The following TTC28 variants were observed in gnomAD, a reference collection of about 807,000 sequenced individuals.
TTC28 encodes the protein tetratricopeptide repeat domain 28, also known as tetratricopeptide repeat protein 28.
Under a neutral mutation model 198.0 loss-of-function variants are expected in TTC28, and 61 were observed. The ratio of observed to expected loss-of-function variants is 0.31; its 90% confidence interval spans 0.25 to 0.38. The LOEUF (loss-of-function observed/expected upper bound fraction) is 0.38. TTC28 is among the 10% of genes least tolerant of loss of function. The pLI is 1.00. For missense variants in TTC28, 2,678 were observed against 3,164.0 expected (o/e 0.85, Z 3.69); for synonymous variants, 1,171 against 1,297.8 (o/e 0.90, Z 2.10).
intron 13 of TTC28, among the ~76,000 whole-genome samples, chr22:28,029,267 C>T (rs1601533852): frequency 6.6e-6 from 1 of 152,204 alleles, no homozygotes; most frequent in East Asian, 1.9e-4. Flanking sequence ...CTCAACTCAG[C>T]CCTGGGAAAG....
At chr22:28,468,730 G>A (rs557220845) in intron 2 of TTC28, among the ~76,000 whole-genome samples, 26 of 148,250 alleles carry the variant, frequency 1.8e-4, no homozygotes, top group Non-Finnish European at 3.6e-4. Flanking sequence ...GTAGAGACGG[G>A]GTTTCATCCT....
intron 6 of TTC28, among the ~76,000 whole-genome samples, chr22:28,162,031 G>A (rs563200061): frequency 3.5e-4 from 53 of 152,070 alleles, no homozygotes; most frequent in Middle Eastern, 3.2e-3. Flanking sequence ...ATCCCTATAG[G>A]CAAAGAACAA....
At chr22:28,355,468 T>G (rs921586541) in intron 2 of TTC28, among the ~76,000 whole-genome samples, 1 of 152,242 alleles carries the variant, frequency 6.6e-6, no homozygotes, top group African/African-American at 2.4e-5. Context: ...ACTAATAATG[T>G]GTCAAACATC....
chr22:28,032,271 T>TATATAAAATATATATATATATATA (rs1569095159), intron 12 of TTC28, among the ~76,000 whole-genome samples: 1 of 94,410 alleles, frequency 1.1e-5, no homozygotes, highest in African/African-American at 4.3e-5. Flanking sequence ...ATATATAGTG[T>TATATAAAATATATATATATATATA]GTGTGTGTGT....
intron 1 of TTC28, among the ~76,000 whole-genome samples, chr22:28,635,717 T>G (rs1439018119): frequency 6.6e-6 from 1 of 152,172 alleles, no homozygotes; most frequent in Non-Finnish European, 1.5e-5. Flanking sequence ...ATATATAATG[T>G]GATGTTTTGA....
At chr22:28,052,160 C>A (rs994771012) in intron 12 of TTC28, among the ~76,000 whole-genome samples, 3 of 152,136 alleles carry the variant, frequency 2.0e-5, no homozygotes, top group African/African-American at 4.8e-5. Context: ...TTTGTTAAGT[C>A]TTTAACAAGT....
At chr22:27,990,903 C>T in intron 19 of TTC28, 91 bp from the exon 20 acceptor site, 2 of 1,361,266 alleles carry the variant, frequency 1.5e-6, no homozygotes, top group Non-Finnish European at 2.0e-6. Flanking sequence ...ATGAGCTGAT[C>T]ACTGTTTAGG....
chr22:28,669,423 A>T (rs931862193), intron 1 of TTC28, among the ~76,000 whole-genome samples: 1 of 152,074 alleles, frequency 6.6e-6, no homozygotes, highest in Non-Finnish European at 1.5e-5. Context: ...ATATTCCCAG[A>T]AGTGTGACCA....
At chr22:28,637,473 C>T (rs1241472641) in intron 1 of TTC28, among the ~76,000 whole-genome samples, 5 of 152,088 alleles carry the variant, frequency 3.3e-5, no homozygotes. Context: ...ACTGCTATAA[C>T]TATGTTTTAT....
intron 2 of TTC28, among the ~76,000 whole-genome samples, chr22:28,381,294 G>A (rs774770799): frequency 6.6e-6 from 1 of 152,118 alleles, no homozygotes; most frequent in Non-Finnish European, 1.5e-5. Context: ...CAGTCCAATA[G>A]AAATTATAGT....
intron 2 of TTC28, among the ~76,000 whole-genome samples, chr22:28,573,589 T>C (rs114852036): frequency 0.016 from 2,434 of 152,194 alleles, 87 homozygotes; most frequent in African/African-American, 0.056. Flanking sequence ...GTATATATAT[T>C]TACAGATACA....
intron 2 of TTC28, among the ~76,000 whole-genome samples, chr22:28,467,922 C>T (rs1270094134): frequency 1.3e-5 from 2 of 151,924 alleles, no homozygotes; most frequent in African/African-American, 2.4e-5. Flanking sequence ...CCACTGCGCC[C>T]GGCTAATTTT....
chr22:28,582,038 T>A (rs1352658099), intron 2 of TTC28, among the ~76,000 whole-genome samples: 1 of 152,182 alleles, frequency 6.6e-6, no homozygotes, highest in African/African-American at 2.4e-5. Flanking sequence ...TATAATAATT[T>A]TATGACCTAT....
chr22:28,674,801 G>A (rs1356988041), intron 1 of TTC28, among the ~76,000 whole-genome samples: 2 of 141,968 alleles, frequency 1.4e-5, no homozygotes, highest in Admixed American at 7.3e-5. Context: ...CCTGGGCGAT[G>A]GCGAGACTCT....
intron 13 of TTC28, 67 bp from the exon 14 acceptor site, chr22:28,014,459 C>T: frequency 6.8e-7 from 1 of 1,469,044 alleles, no homozygotes; most frequent in Non-Finnish European, 9.1e-7. Flanking sequence ...CCCTGGCCCT[C>T]CAAGCCATGC....
intron 2 of TTC28, among the ~76,000 whole-genome samples, chr22:28,427,400 T>A (rs927747286): frequency 6.6e-6 from 1 of 152,220 alleles, no homozygotes; most frequent in Non-Finnish European, 1.5e-5. Flanking sequence ...ACGCCTGTAA[T>A]CCCAGCACTT....
chr22:28,263,022 A>G (rs1931429775), intron 5 of TTC28, among the ~76,000 whole-genome samples: 1 of 152,168 alleles, frequency 6.6e-6, no homozygotes, highest in Admixed American at 6.5e-5. Context: ...GCAAGCCAAG[A>G]AGGCAGTCTG....
intron 2 of TTC28, among the ~76,000 whole-genome samples, chr22:28,588,751 CACAG>C (rs1270556193): frequency 1.3e-5 from 2 of 152,178 alleles, no homozygotes; most frequent in Non-Finnish European, 2.9e-5. Flanking sequence ...CCTCCATGTC[CACAG>C]ACAGTCAATA....
chr22:28,348,228 T>TA (rs2045939138), intron 2 of TTC28, among the ~76,000 whole-genome samples: 1 of 152,190 alleles, frequency 6.6e-6, no homozygotes, highest in Non-Finnish European at 1.5e-5. Flanking sequence ...AGATGTGGTC[T>TA]AAAAATAGGA....
Sources: allele counts gnomAD v4.1 joint callset (sites outside exome capture counted in the v4.1 genomes callset), GRCh38; gene constraint gnomAD v4.1.1; transcripts MANE v1.5; gene names NCBI Gene and HGNC (gene_info 2026-07-23, HGNC 2026-07-21).